Variants in SNED1 observed in about 807,000 individuals in gnomAD.
SNED1 encodes the protein sushi, nidogen and EGF like domains 1, also known as sushi, nidogen and EGF-like domain-containing protein 1.
SNED1 carries 81 observed loss-of-function variants against 166.7 expected under a neutral mutation model. The ratio of observed to expected loss-of-function variants is 0.49; its 90% confidence interval spans 0.41 to 0.58. The LOEUF is 0.58. Ranked by LOEUF, SNED1 falls within the 20% of genes least tolerant of loss-of-function variation. SNED1 has a pLI of 0.00. For synonymous variants in SNED1, 762 were observed against 822.0 expected (o/e 0.93, Z 1.25); for missense variants, 1,604 against 2,000.2 (o/e 0.80, Z 3.78).
intron 1 of SNED1, among the ~76,000 whole-genome samples, chr2:241,012,090 G>T (rs1371899223): frequency 6.6e-6 from 1 of 152,214 alleles, no homozygotes; most frequent in Non-Finnish European, 1.5e-5. Context: ...CAGGGCAGCG[G>T]CTCAGGAGCC....
chr2:241,036,472 G>C (rs997077282), intron 4 of SNED1, among the ~76,000 whole-genome samples: 4 of 152,120 alleles, frequency 2.6e-5, no homozygotes, highest in African/African-American at 7.2e-5. Flanking sequence ...GAGGCGGAGT[G>C]TGCCAGTTTT....
In SNED1 at chr2:241,037,248, G is replaced by A. The variant is rs928768250; in HGVS notation, c.940G>A (p.Glu314Lys). ...TGRRCHLDVN[E>K]CASQPCQNGG... is the part of the protein sequence containing the mutation. The stretch of plus-strand genomic sequence containing the variant: ...CCTGCCCCATGTTTCAGACGTGAAC[G>A]AATGTGCCTCCCAGCCCTGTCAGAA... Residue 314 changes from glutamate to lysine, a missense_variant, in exon 6 of 32, where the codon GAA becomes AAA. By Grantham distance (56) the Glu-to-Lys change is moderately conservative. Around this residue, in one of 2 missense-constraint regions of SNED1, gnomAD observed 1,237 missense variants for 1,620.8 expected, o/e 0.76. Transcript: ENST00000310397. The A allele has an allele frequency of 3.1e-6, 5 of 1,609,212 alleles. No individual in the cohort carries two copies. Among genetic ancestry groups the A allele is most frequent in the Non-Finnish European group, 2.5e-6 (3 of 1,178,042 alleles).
At chr2:241,012,430 C>G (rs2060439821) in intron 1 of SNED1, among the ~76,000 whole-genome samples, 1 of 152,268 alleles carries the variant, frequency 6.6e-6, no homozygotes, top group African/African-American at 2.4e-5. Flanking sequence ...GGCAGCCCCT[C>G]CGGCCTGTGA....
intron 17 of SNED1, 108 bp downstream of exon 17, chr2:241,063,012 A>ATC: frequency 1.5e-6 from 1 of 676,164 alleles, no homozygotes; most frequent in Non-Finnish European, 2.5e-6. Context: ...CAGGGTGGCC[A>ATC]CTGCATGCTT....
At chr2:241,050,132 C>G (rs925188637) in intron 12 of SNED1, 199 bp downstream of exon 12, 1 of 636,790 alleles carries the variant, frequency 1.6e-6, no homozygotes, top group East Asian at 2.8e-5. Context: ...TGCACCAGTG[C>G]CAGGCCTGCT....
At position 241,094,357 on chromosome 2, in the gene SNED1, G is replaced by A. The variant is rs750703553; in HGVS notation, c.*2721G>A. Reference sequence around the variant, plus strand: ...CATCTGACTCAACTGTGGCGATGTGGACGGAGTCACCGAGCTGCTTTTCTT... The same window carrying A: ...CATCTGACTCAACTGTGGCGATGTGAACGGAGTCACCGAGCTGCTTTTCTT... On this transcript the variant is annotated 3_prime_UTR_variant, in exon 32 of 32. Coordinates refer to ENST00000310397, the MANE Select transcript of SNED1 (RefSeq NM_001080437.3). This position sits in a 1 kb window ranked among gnomAD's most constrained non-coding sequence, Gnocchi z 4.3. 19 of 470,784 alleles carry A rather than the reference G, an allele frequency of 4.0e-5. No homozygotes were observed. In the East Asian group the frequency reaches 1.3e-3, roughly 33 times the overall value. 29.2% of individuals were successfully genotyped at this position (470,784 alleles called of 1,614,324 possible). A position where few individuals can be genotyped will look rare whatever the true frequency, so the allele number is the denominator to read the frequency against.
intron 27 of SNED1, among the ~76,000 whole-genome samples, chr2:241,077,864 A>G (rs188497984): frequency 6.6e-6 from 1 of 152,300 alleles, no homozygotes; most frequent in East Asian, 1.9e-4. Context: ...AGAACCCTCT[A>G]CGCTGCTGGT....
chr2:241,043,261 CAG>C (rs1419666246), intron 8 of SNED1, among the ~76,000 whole-genome samples: 1 of 152,044 alleles, frequency 6.6e-6, no homozygotes, highest in Non-Finnish European at 1.5e-5. Flanking sequence ...ACCTCAAAAA[CAG>C]CCAGAGGAAA....
chr2:241,063,714 C>T lies in SNED1; in HGVS notation c.2485+14C>T, dbSNP rs1415418970. On this transcript the variant is annotated intron_variant, in intron 18 of 31. Transcript: ENST00000310397. ...ACTGTGAGACAGGTAGGGGCTCCCT[C>T]CAGTGGGCCCCACATGCAGAGCCTG... is the stretch of plus-strand genomic sequence containing the variant. The T allele has an allele frequency of 1.3e-6, 2 of 1,500,722 alleles. No homozygotes were observed. The highest frequency in any genetic ancestry group is 2.8e-5 in the African/African-American group (2 of 72,618). The allele number at this position is 1,500,722 out of a possible 1,614,324, so 93.0% of individuals were successfully genotyped here.
chr2:241,037,641 C>T (rs2061414159), intron 6 of SNED1, among the ~76,000 whole-genome samples: 1 of 152,216 alleles, frequency 6.6e-6, no homozygotes, highest in Non-Finnish European at 1.5e-5. Flanking sequence ...CAAACCAGGC[C>T]AGGATCAGGG....
Position 241,078,272 on chromosome 2 carries a change from C to A in SNED1, c.3917-3405C>A, listed in dbSNP as rs569110315. ...GTGGCGGGCGCCTGTAGTCCCAGCT[C>A]CTCAGGAGGCTGAGGCAGGAGAATC... On this transcript the variant is annotated intron_variant, in intron 27 of 31. Coordinates refer to ENST00000310397, the MANE Select transcript of SNED1 (RefSeq NM_001080437.3). Among the ~76,000 whole-genome samples the A allele has an allele frequency of 3.3e-3, 497 of 151,154 alleles. 4 individuals carry two copies. The highest frequency in any genetic ancestry group is 3.9e-3 in the Non-Finnish European group (263 of 67,884).
chr2:241,037,190 T>C (rs1374795071), intron 5 of SNED1, 50 bp from the exon 6 acceptor site: 1 of 1,450,706 alleles, frequency 6.9e-7, no homozygotes, highest in Non-Finnish European at 9.5e-7. Flanking sequence ...TAGAGAAAAC[T>C]CCTCATCCGG....
At position 241,063,994 on chromosome 2, in the gene SNED1, T is replaced by A. The variant is rs748066667; in HGVS notation, c.2486-18T>A. On this transcript the variant is annotated intron_variant, in intron 18 of 31. Coordinates refer to ENST00000310397, the MANE Select transcript of SNED1 (RefSeq NM_001080437.3). ...CTCCCCCCTTGCAGCTTGGGCCCAC[T>A]CTCTGGGTGTTCTCCAGAGGTGGAC... 13 of 1,511,898 alleles carry A rather than the reference T, an allele frequency of 8.6e-6. No homozygotes were observed. Among genetic ancestry groups the A allele is most frequent in the Admixed American group, 2.0e-5 (1 of 49,972 alleles). The allele number at this position is 1,511,898 out of a possible 1,614,324, so 93.7% of individuals were successfully genotyped here. A position where few individuals can be genotyped will look rare whatever the true frequency, so the allele number is the denominator to read the frequency against.
chr2:241,089,912 A>AGT (rs1575153190), intron 31 of SNED1: 2 of 1,528,354 alleles, frequency 1.3e-6, no homozygotes, highest in South Asian at 1.3e-5. Context: ...CACAGTGCCA[A>AGT]GTGTGTGTGT....
In SNED1 at chr2:241,088,416, G is replaced by C. The variant is rs371600149; in HGVS notation, c.*1+14G>C. On this transcript the variant is annotated intron_variant, in intron 31 of 31. Coordinates refer to ENST00000310397, the MANE Select transcript of SNED1 (RefSeq NM_001080437.3). ...AGAAATCTTAAGGTACGTCCCTGCT[G>C]CTCCCGCCCCACTACCACAGAGCTG... is the stretch of plus-strand genomic sequence containing the variant. 1.4e-5 allele frequency: 22 copies of C among 1,607,042 alleles called. No individual in the cohort carries two copies. Among genetic ancestry groups the C allele is most frequent in the Non-Finnish European group, 1.9e-5 (22 of 1,173,920 alleles).
rs1414280852 is a variant in SNED1, at chr2:241,049,937, T to C, written c.1735+4T>C. 3 of 1,611,544 alleles carry C rather than the reference T, an allele frequency of 1.9e-6. No individual in the cohort carries two copies. The Admixed American group carries it at 5.0e-5, about 27-fold the overall frequency. ...CACGGCAAGCACTGCGAGAAAGGTA[T>C]GGCGGGCAGGGGCGTCCGGGCCGGC... On this transcript the variant is annotated splice_donor_region_variant and intron_variant, in intron 12 of 31. Transcript: ENST00000310397.
chr2:241,064,226 G>A lies in SNED1; in HGVS notation c.2599+101G>A. Reference sequence around the variant, plus strand: ...TCTGCCCGCCTGCTCCCCGCCCTCTGCCCGCCTGCTCCCCGCCCTCTGCCC... The same window carrying A: ...TCTGCCCGCCTGCTCCCCGCCCTCTACCCGCCTGCTCCCCGCCCTCTGCCC... On this transcript the variant is annotated intron_variant, in intron 19 of 31. Coordinates refer to ENST00000310397, the MANE Select transcript of SNED1 (RefSeq NM_001080437.3). This position sits in a 1 kb window ranked among gnomAD's most constrained non-coding sequence, Gnocchi z 7.0. 1 of 776,512 alleles carries A rather than the reference G, an allele frequency of 1.3e-6. No individual in the cohort carries two copies. The highest frequency in any genetic ancestry group is 2.0e-6 in the Non-Finnish European group (1 of 509,534). 48.1% of individuals were successfully genotyped at this position (776,512 alleles called of 1,614,324 possible).
chr2:241,049,046 T>C lies in SNED1; in HGVS notation c.1529T>C (p.Met510Thr). 1 of 1,613,366 alleles carries C rather than the reference T, an allele frequency of 6.2e-7. No individual in the cohort carries two copies. Among genetic ancestry groups the C allele is most frequent in the Non-Finnish European group, 8.5e-7 (1 of 1,179,588 alleles). The change falls in exon 11 of 32, where the codon ATG (methionine) becomes ACG (threonine). Residue 510 changes from methionine to threonine, a missense_variant. This residue lies in a region of SNED1 where 1,237 missense variants were observed against 1,620.8 expected (regional missense o/e 0.76). Transcript: ENST00000310397. ...GAAATCACAGCCATGCCCTGCAACA[T>C]GAACACACAGTGCCCAGATGGGGGC... ...EFEITAMPCN[M>T]NTQCPDGGYC...
chr2:241,034,432 A>T, intron 3 of SNED1, 136 bp from the exon 4 acceptor site: 1 of 803,882 alleles, frequency 1.2e-6, no homozygotes, highest in Admixed American at 3.1e-5. Flanking sequence ...CTTGGCTCCC[A>T]GGAACGGTTG....
Sources: gnomAD v4.1 joint callset for allele counts (sites outside exome capture counted in the v4.1 genomes callset) on GRCh38, gnomAD v4.1.1 for gene constraint, gnomAD v4.1.1 regional missense constraint, Gnocchi (gnomAD v3.1) non-coding constraint, MANE v1.5 for transcripts, NCBI Gene and HGNC (gene_info 2026-07-23, HGNC 2026-07-21) for gene names.